The following MAPK10 variants were observed in gnomAD, a reference collection of about 807,000 sequenced individuals.
MAPK10 encodes mitogen-activated protein kinase 10, also known as JNK3 alpha protein kinase.
MAPK10 carries 25 observed loss-of-function variants against 59.3 expected under a neutral mutation model. The observed-to-expected ratio is 0.42, with a 90% confidence interval of 0.31 to 0.59. MAPK10 has a LOEUF of 0.59. Among genes scored for constraint, MAPK10 ranks in the 20% least tolerant of loss-of-function variants. MAPK10 has a pLI of 0.15. For synonymous variants in MAPK10, 190 were observed against 200.5 expected (o/e 0.95, Z 0.44); for missense variants, 351 against 568.9 (o/e 0.62, Z 3.90).
rs141536497 is a variant in MAPK10, at chr4:86,166,535, C to T, written c.67-7068G>A. On this transcript the variant is annotated intron_variant, in intron 3 of 13. Coordinates refer to ENST00000641462, the MANE Select transcript of MAPK10 (RefSeq NM_138982.4). ...GTTAGCAGTTTTAGAGTATTTATCA[C>T]AAAAGTTGGCCTAGCTCCTAAACCA... 2.9e-4 allele frequency among the ~76,000 whole-genome samples: 44 copies of T among 152,184 alleles called. 1 individual carries two copies. In the East Asian group the frequency reaches 7.5e-3, roughly 26 times the overall value.
rs1315201850 is a variant in MAPK10, at chr4:86,159,468, C to A, written c.67-1G>T. ...ACACATCCACTTGTTTATCGAATCC[C>A]TGTCAAAAAGAAGAACAGCAAAAAC... On this transcript the variant is annotated splice_acceptor_variant, in intron 3 of 13. Transcript: ENST00000641462. LOFTEE classifies it high-confidence loss of function. 6.2e-7 allele frequency: 1 copy of A among 1,605,172 alleles called. No homozygotes were observed. Among genetic ancestry groups the A allele is most frequent in the Non-Finnish European group, 8.5e-7 (1 of 1,175,538 alleles).
chr4:86,476,626 G>C (rs923819480), intron 1 of MAPK10, among the ~76,000 whole-genome samples: 1 of 152,118 alleles, frequency 6.6e-6, no homozygotes, highest in Non-Finnish European at 1.5e-5. Flanking sequence ...ATGAAATAAA[G>C]CTCCAAAAAT....
chr4:86,505,707 T>C (rs1411646647), intron 1 of MAPK10, among the ~76,000 whole-genome samples: 1 of 152,156 alleles, frequency 6.6e-6, no homozygotes. Flanking sequence ...TAATGCCTAG[T>C]ACTAGACTAG....
chr4:86,527,761 A>C (rs1027106853), intron 1 of MAPK10, among the ~76,000 whole-genome samples: 1 of 152,252 alleles, frequency 6.6e-6, no homozygotes, highest in African/African-American at 2.4e-5. Context: ...GAATTAACCT[A>C]GGTGCCCATC....
At chr4:86,245,780 C>T (rs900472412) in intron 2 of MAPK10, among the ~76,000 whole-genome samples, 2 of 152,194 alleles carry the variant, frequency 1.3e-5, no homozygotes, top group African/African-American at 4.8e-5. Context: ...AGTTCTGCCA[C>T]CAACTGTACA....
Position 86,013,149 on chromosome 4 carries a change from G to T in MAPK10, c.*4079C>A, listed in dbSNP as rs895625119. 20 of 152,132 alleles carry T rather than the reference G, an allele frequency of 1.3e-4. No homozygotes were observed. The highest frequency in any genetic ancestry group is 2.6e-4 in the Non-Finnish European group (18 of 68,020). The allele number at this position is 152,132 out of a possible 1,614,324, so 9.4% of individuals were successfully genotyped here. A position where few individuals can be genotyped will look rare whatever the true frequency, so the allele number is the denominator to read the frequency against. On this transcript the variant is annotated 3_prime_UTR_variant, in exon 14 of 14. Transcript: ENST00000641462. Reference sequence around the variant, plus strand: ...TGACCAAAGAAACAGGTCAAAGTGAGCCATTTTCAGATAGTTAAAGGACTA... The same window carrying T: ...TGACCAAAGAAACAGGTCAAAGTGATCCATTTTCAGATAGTTAAAGGACTA...
intron 2 of MAPK10, among the ~76,000 whole-genome samples, chr4:86,242,282 C>T (rs2092776195): frequency 6.6e-6 from 1 of 152,160 alleles, no homozygotes; most frequent in Non-Finnish European, 1.5e-5. Context: ...AGTAGAATTG[C>T]TCCCATATAG....
rs548114246 is a variant in MAPK10 at position 86,556,749 on chromosome 4, A to G, written c.-263+37161T>C. On this transcript the variant is annotated intron_variant, in intron 1 of 4. Coordinates refer to the MAPK10 transcript ENST00000502302. ...GTGGAGCCCTTTCGAGTCTTAGATGAAAAAGGGTAACTAAACCAAATGATA... is the reference window on the plus strand; with the variant it reads ...GTGGAGCCCTTTCGAGTCTTAGATGGAAAAGGGTAACTAAACCAAATGATA... Among the ~76,000 whole-genome samples, 15 of 152,288 alleles carry G rather than the reference A, an allele frequency of 9.8e-5. No individual in the cohort carries two copies. The East Asian group carries it at 1.9e-3, about 20-fold the overall frequency.
At chr4:86,078,907 T>C (rs2050066709) in intron 9 of MAPK10, among the ~76,000 whole-genome samples, 1 of 152,056 alleles carries the variant, frequency 6.6e-6, no homozygotes, top group Non-Finnish European at 1.5e-5. Context: ...GAGAATCACC[T>C]GAACCCATGA....
chr4:86,113,483 T>G (rs944567868), intron 4 of MAPK10, among the ~76,000 whole-genome samples: 22 of 152,188 alleles, frequency 1.4e-4, no homozygotes, highest in Non-Finnish European at 3.1e-4. Flanking sequence ...AAGATTAGTG[T>G]GGCCAGATAT....
At position 86,087,208 on chromosome 4, in the gene MAPK10, A is replaced by G. The variant is rs533089259; in HGVS notation, c.802+11316T>C. On this transcript the variant is annotated intron_variant, in intron 9 of 13. Coordinates refer to ENST00000641462, the MANE Select transcript of MAPK10 (RefSeq NM_138982.4). ...TGTTTTAATTTTTCTTAATAGAAAC[A>G]TAACAAAGATCATAAAAACACTCAT... Among the ~76,000 whole-genome samples the G allele has an allele frequency of 5.3e-5, 8 of 152,250 alleles. No homozygotes were observed. In the South Asian group the frequency reaches 6.2e-4, roughly 12 times the overall value.
chr4:86,268,956 T>C (rs1268029755), intron 2 of MAPK10, among the ~76,000 whole-genome samples: 1 of 152,174 alleles, frequency 6.6e-6, no homozygotes, highest in African/African-American at 2.4e-5. Context: ...CTCCATTACA[T>C]TCCTGGTGTC....
intron 2 of MAPK10, among the ~76,000 whole-genome samples, chr4:86,347,145 T>C (rs1728727899): frequency 6.6e-6 from 1 of 152,150 alleles, no homozygotes; most frequent in African/African-American, 2.4e-5. Flanking sequence ...ACTTTAAATT[T>C]ATGGTATCTA....
intron 11 of MAPK10, among the ~76,000 whole-genome samples, chr4:86,048,414 A>G (rs1271842734): frequency 1.3e-5 from 2 of 152,154 alleles, no homozygotes; most frequent in Non-Finnish European, 2.9e-5. Flanking sequence ...AAAAGATCAC[A>G]TTAGCCCCAA....
rs149523669 is a variant in MAPK10, at chr4:86,298,768, G to A, written c.-7+55762C>T. Among the ~76,000 whole-genome samples, 656 of 152,192 alleles carry A rather than the reference G, an allele frequency of 4.3e-3. 5 individuals carry two copies. The highest frequency in any genetic ancestry group is 0.015 in the African/African-American group (621 of 41,528). ...ATACAACTTTTACCATTTCATAACC[G>A]TCTTCTATTATTTTTGTTCTTCTTT... On this transcript the variant is annotated intron_variant, in intron 2 of 13. Coordinates refer to ENST00000641462, the MANE Select transcript of MAPK10 (RefSeq NM_138982.4).
intron 2 of MAPK10, among the ~76,000 whole-genome samples, chr4:86,275,482 A>G (rs912822466): frequency 6.6e-6 from 1 of 152,076 alleles, no homozygotes; most frequent in African/African-American, 2.4e-5. Flanking sequence ...TTATCAACGT[A>G]GAAGACCCAA....
At chr4:86,263,100 G>A (rs892234279) in intron 2 of MAPK10, among the ~76,000 whole-genome samples, 1 of 152,152 alleles carries the variant, frequency 6.6e-6, no homozygotes, top group African/African-American at 2.4e-5. Flanking sequence ...TCATCTCCAG[G>A]TTTCAGGAGT....
At chr4:86,453,707 A>G (rs1750987084), upstream of MAPK10, among the ~76,000 whole-genome samples, 1 of 151,268 alleles carries the variant, frequency 6.6e-6, no homozygotes, top group Non-Finnish European at 1.5e-5. Flanking sequence ...AAGGGCATAT[A>G]CCCTTGGGAG....
At chr4:86,279,683 TA>T (rs549245156) in intron 2 of MAPK10, among the ~76,000 whole-genome samples, 23 of 152,076 alleles carry the variant, frequency 1.5e-4, no homozygotes, top group Admixed American at 3.9e-4. Flanking sequence ...CTGACATTAC[TA>T]GGGGGGGCTC....
Sources: allele counts gnomAD v4.1 joint callset (sites outside exome capture counted in the v4.1 genomes callset), GRCh38; gene constraint gnomAD v4.1.1; transcripts MANE v1.5; gene names NCBI Gene and HGNC (gene_info 2026-07-23, HGNC 2026-07-21).